The following NTM variants were observed in gnomAD, a reference collection of about 807,000 sequenced individuals.
NTM encodes neurotrimin.
In NTM, 13 loss-of-function variants were observed where a neutral mutation model predicts 42.1. The ratio of observed to expected loss-of-function variants is 0.31; its 90% CI spans 0.20 to 0.49. The LOEUF is 0.49. Among genes scored for constraint, NTM ranks in the 20% least tolerant of loss-of-function variants. NTM has a pLI of 0.99. For missense variants in NTM, 373 were observed against 452.8 expected, an observed-to-expected ratio of 0.82 and a Z score of 1.60; for synonymous variants, 187 against 179.2, an observed-to-expected ratio of 1.04 and a Z score of -0.35.
chr11:131,851,532 C>CGCACGTGTGT (rs147213224), intron 1 of NTM, among the ~76,000 whole-genome samples: 7 of 146,702 alleles, frequency 4.8e-5, no homozygotes, highest in Non-Finnish European at 1.1e-4. Flanking sequence ...GTGAGAATGG[C>CGCACGTGTGT]GTGTGTGTGT....
At chr11:131,900,154 G>C (rs767020968) in intron 1 of NTM, among the ~76,000 whole-genome samples, 6 of 152,208 alleles carry the variant, frequency 3.9e-5, no homozygotes, top group African/African-American at 1.2e-4. Context: ...AACCGAGAAG[G>C]GTGACGACAA....
At chr11:132,266,164 C>A (rs2093169930) in intron 4 of NTM, among the ~76,000 whole-genome samples, 1 of 152,204 alleles carries the variant, frequency 6.6e-6, no homozygotes, top group African/African-American at 2.4e-5. Flanking sequence ...GAAACAACTG[C>A]ACTTCAGGAC....
intron 1 of NTM, among the ~76,000 whole-genome samples, chr11:131,748,861 C>T (rs1488009609): frequency 2.0e-5 from 3 of 152,186 alleles, no homozygotes; most frequent in Admixed American, 2.0e-4. Context: ...TGGGACTGGA[C>T]GGTTCCCAGT....
chr11:131,723,810 CTGTT>C (rs1032336584), intron 1 of NTM, among the ~76,000 whole-genome samples: 7 of 151,706 alleles, frequency 4.6e-5, no homozygotes, highest in Non-Finnish European at 4.4e-5. Context: ...CTGTGTGTAT[CTGTT>C]TGTGTGTGTG....
chr11:131,401,568 C>T (rs1945136059), intron 1 of NTM, among the ~76,000 whole-genome samples: 1 of 151,288 alleles, frequency 6.6e-6, no homozygotes, highest in Non-Finnish European at 1.5e-5. Context: ...ATTCAGATGT[C>T]CTAGTAGTGA....
intron 1 of NTM, among the ~76,000 whole-genome samples, chr11:131,380,737 G>A (rs79419630): frequency 0.051 from 7,700 of 152,210 alleles, 304 homozygotes; most frequent in Non-Finnish European, 0.079. Context: ...TGAAAGGAAG[G>A]GAGGAAGACC....
chr11:132,138,341 G>T (rs983530852), intron 2 of NTM, among the ~76,000 whole-genome samples: 1 of 152,158 alleles, frequency 6.6e-6, no homozygotes, highest in Non-Finnish European at 1.5e-5. Context: ...AAGCTTGCCG[G>T]TATATGAATT....
intron 3 of NTM, among the ~76,000 whole-genome samples, chr11:132,151,269 G>T (rs781489129): frequency 2.0e-5 from 3 of 152,196 alleles, no homozygotes; most frequent in Non-Finnish European, 4.4e-5. Flanking sequence ...GGAATGAATT[G>T]TTTGGCAAGT....
intron 1 of NTM, among the ~76,000 whole-genome samples, chr11:131,645,923 G>T (rs2065721589): frequency 6.6e-6 from 1 of 152,208 alleles, no homozygotes; most frequent in African/African-American, 2.4e-5. Context: ...TGCAAAGTGA[G>T]ATACCAAGGC....
intron 1 of NTM, among the ~76,000 whole-genome samples, chr11:131,511,303 C>T (rs2048209779): frequency 6.6e-6 from 1 of 152,150 alleles, no homozygotes; most frequent in Admixed American, 6.5e-5. Flanking sequence ...GCCATGAGCC[C>T]AGCAGGTAAG....
intron 1 of NTM, among the ~76,000 whole-genome samples, chr11:131,846,395 T>C (rs2044906653): frequency 6.6e-6 from 1 of 152,154 alleles, no homozygotes; most frequent in African/African-American, 2.4e-5. Flanking sequence ...TTCCTTTGTT[T>C]TATATATTCT....
chr11:131,500,573 ATATATTTTTTTT>A (rs201129552), intron 1 of NTM, among the ~76,000 whole-genome samples: 944 of 39,752 alleles, frequency 0.024, 18 homozygotes, highest in East Asian at 0.099. Context: ...ATATATATAT[ATATATTTTTTTT>A]TTTTTTTTTT....
chr11:131,916,295 C>G (rs937516614), intron 2 of NTM, among the ~76,000 whole-genome samples: 4 of 152,230 alleles, frequency 2.6e-5, no homozygotes, highest in Non-Finnish European at 5.9e-5. Context: ...ACACCTGTCA[C>G]TTGGCAGTTT....
At chr11:132,020,874 T>G (rs763773011) in intron 2 of NTM, among the ~76,000 whole-genome samples, 1 of 152,114 alleles carries the variant, frequency 6.6e-6, no homozygotes, top group Non-Finnish European at 1.5e-5. Context: ...TGTCAAGGTG[T>G]GGCTCTTTTT....
At chr11:131,948,568 GC>G (rs1188024360) in intron 2 of NTM, among the ~76,000 whole-genome samples, 1 of 152,124 alleles carries the variant, frequency 6.6e-6, no homozygotes, top group Non-Finnish European at 1.5e-5. Flanking sequence ...AGGAGTGATT[GC>G]TTGTCCTAAA....
At chr11:131,668,480 G>C (rs2069513092) in intron 1 of NTM, among the ~76,000 whole-genome samples, 1 of 152,128 alleles carries the variant, frequency 6.6e-6, no homozygotes, top group Non-Finnish European at 1.5e-5. Flanking sequence ...GTGGAGAAAG[G>C]ACAGCACCCG....
At chr11:131,835,890 A>C (rs1403942599) in intron 1 of NTM, among the ~76,000 whole-genome samples, 10 of 152,236 alleles carry the variant, frequency 6.6e-5, no homozygotes, top group Non-Finnish European at 1.5e-5. Flanking sequence ...ACTAAGACTG[A>C]TGACATACAC....
chr11:131,790,755 G>T (rs960239458), intron 1 of NTM, among the ~76,000 whole-genome samples: 1 of 152,140 alleles, frequency 6.6e-6, no homozygotes, highest in Non-Finnish European at 1.5e-5. Context: ...AGTCCTGTGG[G>T]AATTCTCTCC....
In NTM at chr11:131,789,464, AAG is replaced by A. The variant is rs1491150804; in HGVS notation, c.83-122098_83-122097del. Among the ~76,000 whole-genome samples the A allele has an allele frequency of 1.2e-3, 17 of 14,528 alleles. 1 individual carries two copies. Among genetic ancestry groups the A allele is most frequent in the Admixed American group, 2.7e-3 (3 of 1,132 alleles). The allele number at this position is 14,528 out of a possible 152,430, so 9.5% of individuals were successfully genotyped here. A position where few individuals can be genotyped will look rare whatever the true frequency, so the allele number is the denominator to read the frequency against. On this transcript the variant is annotated intron_variant, in intron 1 of 8. Coordinates refer to ENST00000683400, the MANE Select transcript of NTM (RefSeq NM_001352005.2). ...GAAGAAGAAGAAGAAGAAGAAGAAG[AAG>A]AAGAAGAAGAAGAAGAAGAAGAAGA... is the stretch of plus-strand genomic sequence containing the variant.
Sources: gnomAD v4.1 joint callset for allele counts (sites outside exome capture counted in the v4.1 genomes callset) on GRCh38, gnomAD v4.1.1 for gene constraint, MANE v1.5 for transcripts, NCBI Gene and HGNC (gene_info 2026-07-23, HGNC 2026-07-21) for gene names.